Variants in FAR2 observed in about 807,000 individuals in gnomAD.
The protein encoded by FAR2 is fatty acyl-CoA reductase 2.
In FAR2, 19 loss-of-function variants were observed where a neutral mutation model predicts 56.0. The ratio of observed to expected loss-of-function variants is 0.34; its 90% CI spans 0.24 to 0.50. The LOEUF (loss-of-function observed/expected upper bound fraction) is 0.50. Ranked by LOEUF, FAR2 falls within the 20% of genes least tolerant of loss-of-function variation. FAR2 has a pLI of 0.98. For missense variants in FAR2, 508 were observed against 642.2 expected (o/e 0.79, Z 2.26); for synonymous variants, 219 against 218.8 (o/e 1.00, Z -0.01).
intron 11 of FAR2, chr12:29,333,142 A>T (rs1949755793): frequency 6.0e-6 from 2 of 333,928 alleles, no homozygotes; most frequent in Non-Finnish European, 1.2e-5. Context: ...ACTTTCTTAA[A>T]TTTCTTTCAG....
intron 1 of FAR2, chr12:29,151,687 G>T (rs546384293): frequency 6.6e-5 from 10 of 152,238 alleles, no homozygotes; most frequent in African/African-American, 2.2e-4. Context: ...CCACATTTAC[G>T]GTGAGTTCTC....
intron 1 of FAR2, among the ~76,000 whole-genome samples, chr12:29,179,750 T>C (rs2136595915): frequency 6.6e-6 from 1 of 152,360 alleles, no homozygotes; most frequent in East Asian, 1.9e-4. Context: ...CTGTCTCCTC[T>C]ACTTTAGTGA....
chr12:29,325,749 CA>C (rs1355508153), intron 10 of FAR2, among the ~76,000 whole-genome samples: 2 of 152,066 alleles, frequency 1.3e-5, no homozygotes, highest in Non-Finnish European at 2.9e-5. Flanking sequence ...ACATTCAAAG[CA>C]GTGTGTAGAG....
chr12:29,157,929 A>G (rs974421327), intron 1 of FAR2, among the ~76,000 whole-genome samples: 3 of 152,234 alleles, frequency 2.0e-5, no homozygotes, highest in African/African-American at 7.2e-5. Flanking sequence ...AAGAAACTGT[A>G]ACAAGTCAGT....
chr12:29,238,477 ATC>A (rs1302747196), intron 1 of FAR2, among the ~76,000 whole-genome samples: 1 of 152,084 alleles, frequency 6.6e-6, no homozygotes, highest in Non-Finnish European at 1.5e-5. Flanking sequence ...TTTTAAAAAT[ATC>A]TCTGTTTTAT....
chr12:29,213,549 G>T lies in FAR2; in HGVS notation c.-38-56863G>T, dbSNP rs12319668. Among the ~76,000 whole-genome samples the T allele has an allele frequency of 9.7e-3, 1,480 of 152,192 alleles. 22 individuals carry two copies. Among genetic ancestry groups the T allele is most frequent in the African/African-American group, 0.028 (1,152 of 41,530 alleles). ...TACTAAAAATACAAAAATTAACCGG[G>T]TGTAGTGGTGTACGCCTGTAATCCC... On this transcript the variant is annotated intron_variant, in intron 1 of 11. Transcript: ENST00000536681.
chr12:29,277,211 C>T (rs1052019266), intron 2 of FAR2, among the ~76,000 whole-genome samples: 1 of 152,022 alleles, frequency 6.6e-6, no homozygotes, highest in Admixed American at 6.5e-5. Flanking sequence ...CTCCTGACCT[C>T]GTGATCCACC....
chr12:29,208,595 T>C, intron 1 of FAR2, among the ~76,000 whole-genome samples: 1 of 152,204 alleles, frequency 6.6e-6, no homozygotes, highest in East Asian at 1.9e-4. Flanking sequence ...AATTCTGCGT[T>C]ATTCAGGTAT....
chr12:29,190,869 TTTTGTTACTGC>T (rs1225433562), intron 1 of FAR2, among the ~76,000 whole-genome samples: 6 of 152,216 alleles, frequency 3.9e-5, no homozygotes, highest in African/African-American at 1.4e-4. Flanking sequence ...ATTAATTTTG[TTTTGTTACTGC>T]TTTGGGGAGG....
At chr12:29,168,313 G>C (rs1949850763) in intron 1 of FAR2, among the ~76,000 whole-genome samples, 1 of 152,144 alleles carries the variant, frequency 6.6e-6, no homozygotes. Flanking sequence ...TATATTCTTA[G>C]CAAATGTCAA....
chr12:29,308,903 T>C (rs538528952), intron 5 of FAR2, among the ~76,000 whole-genome samples: 1 of 152,180 alleles, frequency 6.6e-6, no homozygotes, highest in East Asian at 1.9e-4. Flanking sequence ...CAAGGTCCAA[T>C]TTAGTCCATA....
At position 29,332,092 on chromosome 12, in the gene FAR2, A is replaced by G. The variant is rs76496611; in HGVS notation, c.1258-508A>G. Reference sequence around the variant, plus strand: ...TTTCACTACCAATCACTCTCTTCTTAAATATAAATTCTGGTAACTTATTCC... The same window carrying G: ...TTTCACTACCAATCACTCTCTTCTTGAATATAAATTCTGGTAACTTATTCC... On this transcript the variant is annotated intron_variant, in intron 10 of 11. Transcript: ENST00000536681. 5.3e-3 allele frequency among the ~76,000 whole-genome samples: 801 copies of G among 152,174 alleles called. 11 individuals are homozygous for G. Among genetic ancestry groups the G allele is most frequent in the African/African-American group, 0.018 (766 of 41,504 alleles).
intron 1 of FAR2, among the ~76,000 whole-genome samples, chr12:29,193,496 A>C (rs1176308456): frequency 6.6e-6 from 1 of 152,192 alleles, no homozygotes; most frequent in Non-Finnish European, 1.5e-5. Flanking sequence ...GGAATCAGAC[A>C]GTATGTAGCC....
intron 1 of FAR2, among the ~76,000 whole-genome samples, chr12:29,207,445 T>C (rs1173383280): frequency 6.6e-6 from 1 of 152,192 alleles, no homozygotes; most frequent in Non-Finnish European, 1.5e-5. Context: ...GCAGCAAATT[T>C]AGTCTCTCCA....
chr12:29,201,231 G>A (rs908681909), intron 1 of FAR2, among the ~76,000 whole-genome samples: 10 of 152,012 alleles, frequency 6.6e-5, no homozygotes, highest in Non-Finnish European at 1.5e-4. Context: ...GCCATTATTT[G>A]CACCTGAGCC....
In FAR2 at chr12:29,232,821, GCACA is replaced by G. The variant is rs71042969; in HGVS notation, c.-38-37568_-38-37565del. Among the ~76,000 whole-genome samples the G allele has an allele frequency of 7.2e-4, 105 of 145,926 alleles. 2 individuals are homozygous for G. In the East Asian group the frequency reaches 9.7e-3, roughly 14 times the overall value. On this transcript the variant is annotated intron_variant, in intron 1 of 11. Transcript: ENST00000536681. ...CACACACACACACATACGCGCTCGC[GCACA>G]CACACACACACACACACACACAGAG...
chr12:29,288,659 T>C (rs961227323), intron 2 of FAR2, among the ~76,000 whole-genome samples: 8 of 152,126 alleles, frequency 5.3e-5, no homozygotes, highest in Non-Finnish European at 4.4e-5. Flanking sequence ...GAAATTACAT[T>C]ACTTCAAGCT....
intron 4 of FAR2, among the ~76,000 whole-genome samples, chr12:29,304,669 C>G (rs1282727836): frequency 6.6e-6 from 1 of 152,090 alleles, no homozygotes; most frequent in Non-Finnish European, 1.5e-5. Context: ...CATGTTGATT[C>G]AATAAGTTTG....
In FAR2 at chr12:29,232,783, G is replaced by A. The variant is rs537554567; in HGVS notation, c.-38-37629G>A. The stretch of plus-strand genomic sequence containing the variant: ...CAAATCCTGCCACACTGATTCAGGT[G>A]ACCCAACAAACACACACACACACAC... On this transcript the variant is annotated intron_variant, in intron 1 of 11. Transcript: ENST00000536681. Among the ~76,000 whole-genome samples the A allele has an allele frequency of 1.1e-3, 159 of 151,048 alleles. 1 individual carries two copies. The highest frequency in any genetic ancestry group is 3.8e-3 in the African/African-American group (156 of 40,980).
Sources: gnomAD v4.1 joint callset for allele counts (sites outside exome capture counted in the v4.1 genomes callset) on GRCh38, gnomAD v4.1.1 for gene constraint, MANE v1.5 for transcripts, NCBI Gene and HGNC (gene_info 2026-07-23, HGNC 2026-07-21) for gene names.